CNTN5: variants seen among roughly 807,000 people sequenced by gnomAD.
CNTN5 encodes contactin-5.
Under a neutral mutation model 129.1 loss-of-function variants are expected in CNTN5, and 77 were observed. The observed-to-expected ratio is 0.60, with a 90% CI of 0.50 to 0.72. The LOEUF (loss-of-function observed/expected upper bound fraction) is 0.72, where lower values mean the gene tolerates loss of function less well. Ranked by LOEUF, CNTN5 falls within the 30% of genes least tolerant of loss-of-function variation. CNTN5 has a pLI of 0.00. For missense variants in CNTN5, 1,478 were observed against 1,328.8 expected, an observed-to-expected ratio of 1.11 and a Z score of -1.75; for synonymous variants, 509 against 465.6, an observed-to-expected ratio of 1.09 and a Z score of -1.20.
intron 2 of CNTN5, among the ~76,000 whole-genome samples, chr11:99,415,271 T>A (rs983623236): frequency 3.0e-4 from 45 of 152,070 alleles, no homozygotes; most frequent in Non-Finnish European, 1.5e-5. Flanking sequence ...GATTTTCTTC[T>A]GAGGTTTAAT....
chr11:99,895,622 A>G (rs1949185122), intron 6 of CNTN5, among the ~76,000 whole-genome samples: 1 of 152,124 alleles, frequency 6.6e-6, no homozygotes, highest in African/African-American at 2.4e-5. Flanking sequence ...GAGCCGAGGA[A>G]AGCTCCCTAA....
chr11:100,282,658 C>T (rs1007528247), intron 18 of CNTN5, among the ~76,000 whole-genome samples: 6 of 152,236 alleles, frequency 3.9e-5, no homozygotes, highest in Non-Finnish European at 8.8e-5. Flanking sequence ...AGGCCAGTGT[C>T]CTTCCTTTCA....
intron 6 of CNTN5, among the ~76,000 whole-genome samples, chr11:99,886,259 C>T (rs1379885365): frequency 2.6e-5 from 4 of 151,752 alleles, no homozygotes; most frequent in Non-Finnish European, 4.4e-5. Context: ...AATGTACATA[C>T]TAAAATCTGA....
chr11:100,032,716 T>C (rs562345239), intron 9 of CNTN5, among the ~76,000 whole-genome samples: 1 of 152,152 alleles, frequency 6.6e-6, no homozygotes, highest in African/African-American at 2.4e-5. Flanking sequence ...CTGCCCACAT[T>C]TGGGGGAAAG....
chr11:99,066,911 T>C (rs2135232996), intron 1 of CNTN5, among the ~76,000 whole-genome samples: 1 of 152,266 alleles, frequency 6.6e-6, no homozygotes. Context: ...CTGGCCCCAC[T>C]AAATTTTCTT....
At chr11:99,904,110 T>C (rs1459910685) in intron 6 of CNTN5, among the ~76,000 whole-genome samples, 1 of 152,176 alleles carries the variant, frequency 6.6e-6, no homozygotes, top group Non-Finnish European at 1.5e-5. Flanking sequence ...TATCATCATA[T>C]ATAGATAATT....
intron 6 of CNTN5, among the ~76,000 whole-genome samples, chr11:99,878,901 A>G (rs1161699800): frequency 2.0e-5 from 3 of 152,018 alleles, no homozygotes; most frequent in African/African-American, 7.2e-5. Context: ...ATACTCCCAA[A>G]AGGTTCTGGT....
chr11:99,564,225 G>A (rs554817705), intron 3 of CNTN5, among the ~76,000 whole-genome samples: 30 of 152,182 alleles, frequency 2.0e-4, no homozygotes, highest in African/African-American at 7.2e-4. Flanking sequence ...AGGACTACAG[G>A]CATGTGTCAC....
At chr11:100,016,719 G>A (rs184614462) in intron 9 of CNTN5, among the ~76,000 whole-genome samples, 5 of 152,076 alleles carry the variant, frequency 3.3e-5, no homozygotes, top group Admixed American at 2.0e-4. Context: ...GCATGTTTAT[G>A]TATGCACATG....
At chr11:99,162,898 C>T (rs1860684172) in intron 1 of CNTN5, among the ~76,000 whole-genome samples, 1 of 152,180 alleles carries the variant, frequency 6.6e-6, no homozygotes, top group African/African-American at 2.4e-5. Context: ...AACCATTTGT[C>T]AATTTAAACG....
intron 8 of CNTN5, among the ~76,000 whole-genome samples, chr11:99,993,016 A>G (rs1011538025): frequency 1.3e-5 from 2 of 152,204 alleles, no homozygotes; most frequent in African/African-American, 4.8e-5. Context: ...ACCTTGACTG[A>G]AGAGACAAGC....
intron 2 of CNTN5, among the ~76,000 whole-genome samples, chr11:99,380,200 CTTTG>C (rs1940453140): frequency 6.6e-6 from 1 of 151,680 alleles, no homozygotes; most frequent in East Asian, 1.9e-4. Flanking sequence ...AATATTTGTC[CTTTG>C]TTTGGTGCAA....
At chr11:100,234,581 G>GA (rs1462171048) in intron 16 of CNTN5, among the ~76,000 whole-genome samples, 1 of 149,034 alleles carries the variant, frequency 6.7e-6, no homozygotes, top group Non-Finnish European at 1.5e-5. Context: ...TCATAAGTGG[G>GA]AATTGAACAA....
chr11:99,991,988 T>C (rs4994606), intron 8 of CNTN5, among the ~76,000 whole-genome samples: 57,677 of 151,988 alleles, frequency 0.38, 12,409 homozygotes, highest in African/African-American at 0.59. Context: ...ACATCGTCAT[T>C]GAATATAGAA....
intron 3 of CNTN5, among the ~76,000 whole-genome samples, chr11:99,727,072 C>T (rs945241049): frequency 3.3e-5 from 5 of 149,274 alleles, no homozygotes; most frequent in African/African-American, 4.9e-5. Context: ...TTTGGGAGGC[C>T]GAGGCTGGTG....
At chr11:100,030,179 A>T (rs1941634961) in intron 9 of CNTN5, among the ~76,000 whole-genome samples, 1 of 150,480 alleles carries the variant, frequency 6.6e-6, no homozygotes, top group African/African-American at 2.5e-5. Context: ...GTTCAAGACC[A>T]TCCTGGGCAA....
At chr11:99,033,688 T>C (rs1407220591) in intron 1 of CNTN5, among the ~76,000 whole-genome samples, 2 of 151,662 alleles carry the variant, frequency 1.3e-5, no homozygotes, top group African/African-American at 4.8e-5. Context: ...TGGGGTTTTC[T>C]AGATATACAA....
chr11:100,030,776 C>T (rs1941666658), intron 9 of CNTN5, among the ~76,000 whole-genome samples: 2 of 152,140 alleles, frequency 1.3e-5, no homozygotes, highest in Non-Finnish European at 2.9e-5. Context: ...ACTTCTTAGG[C>T]TTCTGTGAAA....
intron 9 of CNTN5, among the ~76,000 whole-genome samples, chr11:100,024,219 C>T (rs936146201): frequency 5.3e-5 from 8 of 152,088 alleles, no homozygotes; most frequent in African/African-American, 1.2e-4. Context: ...TTGTAAGGGT[C>T]GCTTTCCCCT....
Sources: allele counts gnomAD v4.1 joint callset (sites outside exome capture counted in the v4.1 genomes callset), GRCh38; gene constraint gnomAD v4.1.1; transcripts MANE v1.5; gene names NCBI Gene and HGNC (gene_info 2026-07-23, HGNC 2026-07-21).